The following JAKMIP1 variants were observed in gnomAD, a reference collection of about 807,000 sequenced individuals.
JAKMIP1 encodes janus kinase and microtubule interacting protein 1, also known as janus kinase and microtubule-interacting protein 1.
JAKMIP1 carries 33 observed loss-of-function variants against 113.0 expected under a neutral mutation model. The observed-to-expected ratio is 0.29, with a 90% CI of 0.22 to 0.39. The LOEUF is 0.39. JAKMIP1 is among the 10% of genes least tolerant of loss of function. The pLI, the probability that JAKMIP1 is intolerant of heterozygous loss-of-function variation, is 1.00. For missense variants in JAKMIP1, 813 were observed against 1,080.5 expected (o/e 0.75, Z 3.47); for synonymous variants, 480 against 459.9 (o/e 1.04, Z -0.56).
rs778729873 is a variant in JAKMIP1, at chr4:6,038,871, G to A, written c.2175+1768C>T. Among the ~76,000 whole-genome samples the A allele has an allele frequency of 1.1e-4, 16 of 152,308 alleles. No individual in the cohort carries two copies. In the South Asian group the frequency reaches 1.7e-3, roughly 16 times the overall value. ...GTTTCCAGATAGAAACGCACCACTC[G>A]ATTCTGGAAATCCCGTTGTGGGCCT... On this transcript the variant is annotated intron_variant, in intron 18 of 20. Transcript: ENST00000409021.
rs1251194909 is a variant in JAKMIP1, at chr4:6,154,041, G to A, written c.-147-41044C>T. Among the ~76,000 whole-genome samples the A allele has an allele frequency of 6.6e-6, 1 of 152,190 alleles. No individual in the cohort carries two copies. Among genetic ancestry groups the A allele is most frequent in the Non-Finnish European group, 1.5e-5 (1 of 68,044 alleles). ...TACTGGCTGCTGAACCAGAGTGAGAGTTCAAGGCCATCTCTGCAGCCCCCA... is the reference window on the plus strand; with the variant it reads ...TACTGGCTGCTGAACCAGAGTGAGAATTCAAGGCCATCTCTGCAGCCCCCA... On this transcript the variant is annotated intron_variant, in intron 1 of 20. Coordinates refer to ENST00000409021, the MANE Select transcript of JAKMIP1 (RefSeq NM_001099433.2). The surrounding 1 kb of genome is among the most constrained non-coding windows in gnomAD (Gnocchi z 4.2).
intron 1 of JAKMIP1, among the ~76,000 whole-genome samples, chr4:6,113,476 G>A (rs918555238): frequency 4.6e-5 from 7 of 152,198 alleles, no homozygotes; most frequent in Non-Finnish European, 8.8e-5. Flanking sequence ...GGAGCAGGGC[G>A]TGAGGACCAC....
chr4:6,120,074 T>G (rs966794525), intron 1 of JAKMIP1, among the ~76,000 whole-genome samples: 9 of 152,080 alleles, frequency 5.9e-5, no homozygotes, highest in African/African-American at 2.2e-4. Flanking sequence ...AAAAATTACG[T>G]GGAAATCCCA....
intron 1 of JAKMIP1, among the ~76,000 whole-genome samples, chr4:6,171,115 C>T (rs576406085): frequency 6.6e-6 from 1 of 150,768 alleles, no homozygotes; most frequent in South Asian, 2.1e-4. Context: ...ATCATCACCA[C>T]CACATCATCA....
chr4:6,125,000 C>T (rs570720862), intron 1 of JAKMIP1, among the ~76,000 whole-genome samples: 4 of 152,286 alleles, frequency 2.6e-5, no homozygotes, highest in African/African-American at 9.6e-5. Flanking sequence ...AGGTCAGGGG[C>T]TGTAGGTCAC....
rs182102001 is a variant in JAKMIP1 at position 6,193,192 on chromosome 4, G to A, written c.-148+7061C>T. On this transcript the variant is annotated intron_variant, in intron 1 of 20. Transcript: ENST00000409021. The surrounding 1 kb of genome is among the most constrained non-coding windows in gnomAD (Gnocchi z 6.4). ...AAGTTCTTCAGCTTTTGGACTCTTG[G>A]ACCTACACCAGTGGTTTGCCAGGGG... is the stretch of plus-strand genomic sequence containing the variant. Among the ~76,000 whole-genome samples the A allele has an allele frequency of 6.6e-6, 1 of 152,218 alleles. No individual in the cohort carries two copies. The highest frequency in any genetic ancestry group is 2.4e-5 in the African/African-American group (1 of 41,544).
chr4:6,198,905 ATGGCCC>A (rs1285394205), intron 1 of JAKMIP1, among the ~76,000 whole-genome samples: 7 of 152,158 alleles, frequency 4.6e-5, no homozygotes, highest in Non-Finnish European at 8.8e-5. Context: ...CTTAGGGGGG[ATGGCCC>A]TGCTATGCCC....
chr4:6,097,954 C>T lies in JAKMIP1; in HGVS notation c.624+7519G>A, dbSNP rs1414195530. 6.6e-6 allele frequency among the ~76,000 whole-genome samples: 1 copy of T among 152,220 alleles called. No homozygotes were observed. Among genetic ancestry groups the T allele is most frequent in the African/African-American group, 2.4e-5 (1 of 41,462 alleles). ...AATTAAAATGCAATGCCCTTTATGG[C>T]TCACTTACATTGTGGGACAGAAAAG... On this transcript the variant is annotated intron_variant, in intron 3 of 20. Coordinates refer to ENST00000409021, the MANE Select transcript of JAKMIP1 (RefSeq NM_001099433.2). The surrounding 1 kb of genome is among the most constrained non-coding windows in gnomAD (Gnocchi z 4.3).
In JAKMIP1 at chr4:6,150,788, A is replaced by T. The variant is rs1270987060; in HGVS notation, c.-147-37791T>A. 6.6e-6 allele frequency among the ~76,000 whole-genome samples: 1 copy of T among 152,202 alleles called. No homozygotes were observed. The highest frequency in any genetic ancestry group is 1.9e-4 in the East Asian group (1 of 5,200). On this transcript the variant is annotated intron_variant, in intron 1 of 20. Transcript: ENST00000409021. The surrounding 1 kb of genome is among the most constrained non-coding windows in gnomAD (Gnocchi z 4.8). Reference sequence around the variant, plus strand: ...TTCCTAGACCATGGCGGGAAGAAGAAAACAGGCAAGAAATTTCCGCATCCC... The same window carrying T: ...TTCCTAGACCATGGCGGGAAGAAGATAACAGGCAAGAAATTTCCGCATCCC...
chr4:6,189,896 A>ACT (rs78651910), intron 1 of JAKMIP1, among the ~76,000 whole-genome samples: 2,412 of 152,294 alleles, frequency 0.016, 58 homozygotes, highest in African/African-American at 0.05. Context: ...CAGCCGGGGG[A>ACT]CTGTGTAGCT....
rs377524347 is a variant in JAKMIP1, at chr4:6,139,870, C to T, written c.-147-26873G>A. On this transcript the variant is annotated intron_variant, in intron 1 of 20. Coordinates refer to ENST00000409021, the MANE Select transcript of JAKMIP1 (RefSeq NM_001099433.2). This position sits in a 1 kb window ranked among gnomAD's most constrained non-coding sequence, Gnocchi z 5.2. ...CATGTGACGACGAAGGAGGAGGTCACGGGGCAGATTCCACGAGCCAAGGAA... is the reference window on the plus strand; with the variant it reads ...CATGTGACGACGAAGGAGGAGGTCATGGGGCAGATTCCACGAGCCAAGGAA... 1.1e-4 allele frequency among the ~76,000 whole-genome samples: 17 copies of T among 152,164 alleles called. No individual in the cohort carries two copies. Among genetic ancestry groups the T allele is most frequent in the East Asian group, 9.7e-4 (5 of 5,176 alleles).
Position 6,062,446 on chromosome 4 carries a change from C to T in JAKMIP1, c.1432-6G>A, listed in dbSNP as rs374971132. 1.2e-6 allele frequency: 2 copies of T among 1,609,458 alleles called. No homozygotes were observed. The highest frequency in any genetic ancestry group is 2.7e-5 in the African/African-American group (2 of 74,830). ...GCCTCCTCTCGGGCTGTGGCCTTCA[C>T]ATAATGGAGAAGAAAACAAATAATC... On this transcript the variant is annotated splice_polypyrimidine_tract_variant and splice_region_variant and intron_variant, in intron 9 of 20. Transcript: ENST00000409021.
At position 6,179,107 on chromosome 4, in the gene JAKMIP1, C is replaced by T. The variant is rs1483202517; in HGVS notation, c.-148+21146G>A. Among the ~76,000 whole-genome samples, 1 of 152,144 alleles carries T rather than the reference C, an allele frequency of 6.6e-6. No homozygotes were observed. Among genetic ancestry groups the T allele is most frequent in the Non-Finnish European group, 1.5e-5 (1 of 68,032 alleles). On this transcript the variant is annotated intron_variant, in intron 1 of 20. Coordinates refer to ENST00000409021, the MANE Select transcript of JAKMIP1 (RefSeq NM_001099433.2). This position sits in a 1 kb window ranked among gnomAD's most constrained non-coding sequence, Gnocchi z 4.5. ...AAAGACTAGAATGTGCTTTTCAAACCTTTGTTGCTCTTTTTCATGAAATGG... is the reference window on the plus strand; with the variant it reads ...AAAGACTAGAATGTGCTTTTCAAACTTTTGTTGCTCTTTTTCATGAAATGG...
chr4:6,079,017 G>A lies in JAKMIP1; in HGVS notation c.1243-19C>T. On this transcript the variant is annotated intron_variant, in intron 7 of 20. Transcript: ENST00000409021. ...CTCTCTCCTAGAAGGAAACACAACG[G>A]TTGGCATTTCCAGCCAGCCTCACAT... 6.2e-7 allele frequency: 1 copy of A among 1,614,046 alleles called. No individual in the cohort carries two copies. The highest frequency in any genetic ancestry group is 8.5e-7 in the Non-Finnish European group (1 of 1,179,928).
chr4:6,184,277 A>G lies in JAKMIP1; in HGVS notation c.-148+15976T>C, dbSNP rs1364278284. Among the ~76,000 whole-genome samples the G allele has an allele frequency of 6.6e-6, 1 of 151,940 alleles. No homozygotes were observed. The highest frequency in any genetic ancestry group is 1.5e-5 in the Non-Finnish European group (1 of 67,972). On this transcript the variant is annotated intron_variant, in intron 1 of 20. Coordinates refer to ENST00000409021, the MANE Select transcript of JAKMIP1 (RefSeq NM_001099433.2). The surrounding 1 kb of genome is among the most constrained non-coding windows in gnomAD (Gnocchi z 4.5). ...ACCAGGTGCCCAGCACATAGCAGAC[A>G]CTCCACAAATGCCCTAGGGAAGGAA...
rs868353451 is a variant in JAKMIP1 at position 6,067,827 on chromosome 4, C to G, written c.1303-2819G>C. On this transcript the variant is annotated intron_variant, in intron 8 of 20. Transcript: ENST00000409021. This position sits in a 1 kb window ranked among gnomAD's most constrained non-coding sequence, Gnocchi z 4.6. ...GTCACCCCCCTGAGCTCCACGTTCA[C>G]TCAAGCTCTTCTGCACACGCAGGTC... Among the ~76,000 whole-genome samples the G allele has an allele frequency of 0.031, 4,580 of 147,554 alleles. 52 individuals carry two copies. Among genetic ancestry groups the G allele is most frequent in the African/African-American group, 0.12 (4,293 of 37,328 alleles).
rs1722499634 is a variant in JAKMIP1, at chr4:6,158,305, T to C, written c.-148+41948A>G. On this transcript the variant is annotated intron_variant, in intron 1 of 20. Transcript: ENST00000409021. The surrounding 1 kb of genome is among the most constrained non-coding windows in gnomAD (Gnocchi z 5.3). ...GCACTTGAAAGCCCAGAACCTAACA[T>C]CATAGGGATGGTAGTGGGATGGGGT... is the stretch of plus-strand genomic sequence containing the variant. 6.6e-6 allele frequency among the ~76,000 whole-genome samples: 1 copy of C among 152,134 alleles called. No homozygotes were observed.
intron 9 of JAKMIP1, among the ~76,000 whole-genome samples, chr4:6,063,838 G>A (rs193218804): frequency 5.4e-4 from 83 of 152,352 alleles, no homozygotes; most frequent in Admixed American, 2.0e-3. Flanking sequence ...TCAGAGACTC[G>A]GGATGTGGGG....
intron 18 of JAKMIP1, among the ~76,000 whole-genome samples, chr4:6,039,807 A>G (rs987735087): frequency 1.3e-5 from 2 of 152,190 alleles, no homozygotes; most frequent in Non-Finnish European, 2.9e-5. Flanking sequence ...AGCTAAGCCC[A>G]TGCTACCTGC....
Sources: gnomAD v4.1 joint callset for allele counts (sites outside exome capture counted in the v4.1 genomes callset) on GRCh38, gnomAD v4.1.1 for gene constraint, Gnocchi (gnomAD v3.1) non-coding constraint, MANE v1.5 for transcripts, NCBI Gene and HGNC (gene_info 2026-07-23, HGNC 2026-07-21) for gene names.